The following PRKAG3 variants were observed in gnomAD, a reference collection of about 807,000 sequenced individuals.
PRKAG3 encodes 5'-AMP-activated protein kinase subunit gamma-3.
PRKAG3 carries 39 observed loss-of-function variants against 56.5 expected under a neutral mutation model. That is an observed-to-expected ratio of 0.69 (90% CI 0.53 to 0.90). The LOEUF is 0.90. Ranked by LOEUF, PRKAG3 falls within the 40% of genes least tolerant of loss-of-function variation. The pLI is 0.00. For synonymous variants in PRKAG3, 243 were observed against 250.1 expected (o/e 0.97, Z 0.27); for missense variants, 628 against 627.5 (o/e 1.00, Z -0.01).
chr2:218,827,271 G>GAA lies in PRKAG3; in HGVS notation c.977_978insTT (p.Leu327SerfsTer44). ...CAAAGATGTGCAGGAACTTGAGCAG[G>GAA]CGTTTGTGTGTGAGGATGTGGAGTA... On this transcript the variant is annotated frameshift_variant, in exon 9 of 13. Transcript: ENST00000529249. LOFTEE classifies it high-confidence loss of function. The surrounding 1 kb of genome is among the most constrained non-coding windows in gnomAD (Gnocchi z 5.3). The GAA allele has an allele frequency of 6.2e-7, 1 of 1,614,198 alleles. No individual in the cohort carries two copies. Among genetic ancestry groups the GAA allele is most frequent in the Non-Finnish European group, 8.5e-7 (1 of 1,180,046 alleles).
chr2:218,830,237 G>A (rs1258560626), exon 4 of PRKAG3: 1 of 1,614,066 alleles, frequency 6.2e-7, no homozygotes. Flanking sequence ...GGAGCCTGCA[G>A]CTGAGGCTGT....
rs760089291 is a variant in PRKAG3, at chr2:218,824,530, G to A, written c.1206+9C>T. On this transcript the variant is annotated intron_variant, in intron 11 of 12. Coordinates refer to ENST00000529249, the Ensembl canonical transcript of PRKAG3. ...CCCTGCAGCATCCCACCTTTCCAGC[G>A]ACACTTACAATCACATCAAAGCGGG... 2.7e-5 allele frequency: 44 copies of A among 1,611,670 alleles called. No individual in the cohort carries two copies. Among genetic ancestry groups the A allele is most frequent in the Non-Finnish European group, 3.6e-5 (42 of 1,177,986 alleles).
At chr2:218,831,235 A>G in intron 2 of PRKAG3, 101 bp downstream of exon 2, 1 of 917,828 alleles carries the variant, frequency 1.1e-6, no homozygotes. Context: ...CAAAAGGAGG[A>G]AGATAAAAGC....
At chr2:218,823,556 G>T in exon 13 of PRKAG3, 1 of 1,036,900 alleles carries the variant, frequency 9.6e-7, no homozygotes, top group Non-Finnish European at 1.4e-6. Context: ...CTTTGAGCTT[G>T]GCCACTCCCA....
exon 13 of PRKAG3, chr2:218,823,495 A>G: frequency 1.9e-6 from 1 of 517,520 alleles, no homozygotes. Context: ...AAATGGGACA[A>G]AGTGGGGACC....
At chr2:218,825,361 G>C (rs868675416) in intron 10 of PRKAG3, among the ~76,000 whole-genome samples, 17 of 149,076 alleles carry the variant, frequency 1.1e-4, no homozygotes, top group Middle Eastern at 3.5e-3. Flanking sequence ...AAAAATTCTT[G>C]GCCGGTCGCG....
rs370649736 is a variant in PRKAG3, at chr2:218,827,370, C to T, written c.879G>A (p.Leu293=). ...TGATGAGGGTGTAGACAGCTTCAAA[C>T]AGGCTGCAGAGATGGGAGCAGTGAG... is the stretch of plus-strand genomic sequence containing the variant. The change falls in exon 9 of 13, where the codon CTG becomes CTA. Residue 293 remains leucine, a synonymous_variant. Coordinates refer to ENST00000529249, the Ensembl canonical transcript of PRKAG3. The surrounding 1 kb of genome is among the most constrained non-coding windows in gnomAD (Gnocchi z 5.3). 37 of 1,614,018 alleles carry T rather than the reference C, an allele frequency of 2.3e-5. No homozygotes were observed. The highest frequency in any genetic ancestry group is 2.0e-4 in the Admixed American group (12 of 59,998).
Position 218,831,188 on chromosome 2 carries a change from C to G in PRKAG3, c.73+148G>C, listed in dbSNP as rs1033180969. On this transcript the variant is annotated intron_variant, in intron 2 of 12. Coordinates refer to ENST00000529249, the Ensembl canonical transcript of PRKAG3. Reference sequence around the variant, plus strand: ...GGAAATTGGAGGTGAGGGAAACACACCTGGGGAAAGGAGGAAGAACAATGA... The same window carrying G: ...GGAAATTGGAGGTGAGGGAAACACAGCTGGGGAAAGGAGGAAGAACAATGA... 5.5e-6 allele frequency: 4 copies of G among 721,000 alleles called. No individual in the cohort carries two copies. In the Admixed American group the frequency reaches 8.7e-5, roughly 16 times the overall value. 44.7% of individuals were successfully genotyped at this position (721,000 alleles called of 1,614,324 possible). A position where few individuals can be genotyped will look rare whatever the true frequency, so the allele number is the denominator to read the frequency against.
At chr2:218,831,192 G>A (rs903053112) in intron 2 of PRKAG3, 144 bp downstream of exon 2, 7 of 727,472 alleles carry the variant, frequency 9.6e-6, no homozygotes, top group Non-Finnish European at 1.6e-5. Context: ...AACACACCTG[G>A]GGAAAGGAGG....
downstream of PRKAG3, chr2:218,823,289 C>T (rs371359505): frequency 4.2e-6 from 1 of 236,430 alleles, no homozygotes; most frequent in Non-Finnish European, 8.3e-6. Flanking sequence ...AGCTTTAGTT[C>T]TTACTGGGGA....
At chr2:218,825,708 G>A (rs1943922096) in intron 10 of PRKAG3, among the ~76,000 whole-genome samples, 1 of 151,580 alleles carries the variant, frequency 6.6e-6, no homozygotes, top group South Asian at 2.1e-4. Flanking sequence ...ATAAGGATTG[G>A]ATGTCAGACA....
At chr2:218,828,132 C>T (rs1466296966) in intron 5 of PRKAG3, 70 bp from the exon 6 acceptor site, 2 of 1,340,570 alleles carry the variant, frequency 1.5e-6, no homozygotes, top group Non-Finnish European at 2.1e-6. Context: ...GGTCAGATCC[C>T]CTCCCCACCC....
At position 218,829,865 on chromosome 2, in the gene PRKAG3, A is replaced by G. The variant is rs1001196703; in HGVS notation, c.633+113T>C. The G allele has an allele frequency of 3.0e-6, 4 of 1,340,880 alleles. No homozygotes were observed. In the African/African-American group the frequency reaches 5.9e-5, roughly 20 times the overall value. The allele number at this position is 1,340,880 out of a possible 1,614,324, so 83.1% of individuals were successfully genotyped here. A position where few individuals can be genotyped will look rare whatever the true frequency, so the allele number is the denominator to read the frequency against. On this transcript the variant is annotated intron_variant, in intron 4 of 12. Coordinates refer to ENST00000529249, the Ensembl canonical transcript of PRKAG3. Reference sequence around the variant, plus strand: ...CATAGTGCTAAGAAGGAGTCCTTTCAGGGGGCTTGCAGGGGCACCTGGCTC... The same window carrying G: ...CATAGTGCTAAGAAGGAGTCCTTTCGGGGGGCTTGCAGGGGCACCTGGCTC...
chr2:218,827,674 C>T lies in PRKAG3; in HGVS notation c.821-45G>A. 1 of 1,604,036 alleles carries T rather than the reference C, an allele frequency of 6.2e-7. No individual in the cohort carries two copies. Among genetic ancestry groups the T allele is most frequent in the Non-Finnish European group, 8.5e-7 (1 of 1,171,034 alleles). ...CAGGCCAGGGGAGCCGGTCACCTGC[C>T]TCACCTTGCAGTCCCAGGCAGCTTC... On this transcript the variant is annotated intron_variant, in intron 7 of 12. Coordinates refer to ENST00000529249, the Ensembl canonical transcript of PRKAG3. This position sits in a 1 kb window ranked among gnomAD's most constrained non-coding sequence, Gnocchi z 5.3.
Position 218,827,853 on chromosome 2 carries a change from T to C in PRKAG3, c.800A>G (p.His267Arg), listed in dbSNP as rs1253414187. Reference sequence around the variant, plus strand: ...CTCACCCCTCCAGGTCTCAATCTTATGTTGTTCAATCTCATAGATCTGGAC... The same window carrying C: ...CTCACCCCTCCAGGTCTCAATCTTACGTTGTTCAATCTCATAGATCTGGAC... Residue 267 changes from histidine (H) to arginine (R), a missense_variant, in exon 7 of 13, where the codon CAT becomes CGT. Physicochemically the swap from His to Arg is conservative, Grantham distance 29. Coordinates refer to ENST00000529249, the Ensembl canonical transcript of PRKAG3. The surrounding 1 kb of genome is among the most constrained non-coding windows in gnomAD (Gnocchi z 5.3). The C allele has an allele frequency of 1.2e-5, 19 of 1,613,938 alleles. No individual in the cohort carries two copies. The highest frequency in any genetic ancestry group is 8.0e-5 in the African/African-American group (6 of 74,882).
Position 218,827,117 on chromosome 2 carries a change from G to C in PRKAG3, c.1003-24C>G, listed in dbSNP as rs750101143. The stretch of plus-strand genomic sequence containing the variant: ...CCCTGGTTAGGATGGGGACCAGGTG[G>C]AGATCAGGGATCCAGCAGCTTCAAG... On this transcript the variant is annotated intron_variant, in intron 9 of 12. Coordinates refer to ENST00000529249, the Ensembl canonical transcript of PRKAG3. This position sits in a 1 kb window ranked among gnomAD's most constrained non-coding sequence, Gnocchi z 5.3. 10 of 1,612,794 alleles carry C rather than the reference G, an allele frequency of 6.2e-6. No individual in the cohort carries two copies. Among genetic ancestry groups the C allele is most frequent in the Non-Finnish European group, 8.5e-6 (10 of 1,179,982 alleles).
In PRKAG3 at chr2:218,827,775, C is replaced by A; in HGVS notation, c.820+58G>T. On this transcript the variant is annotated intron_variant, in intron 7 of 12. Coordinates refer to ENST00000529249, the Ensembl canonical transcript of PRKAG3. This position sits in a 1 kb window ranked among gnomAD's most constrained non-coding sequence, Gnocchi z 5.3. The stretch of plus-strand genomic sequence containing the variant: ...GGACATCCCCACTGCCCATCCTCCA[C>A]CTTAAGCCCTGGCCCACCATCACCA... The A allele has an allele frequency of 1.3e-6, 2 of 1,577,574 alleles. No individual in the cohort carries two copies. The highest frequency in any genetic ancestry group is 1.1e-5 in the South Asian group (1 of 89,856).
At chr2:218,829,873 T>C (rs1559398888) in intron 4 of PRKAG3, 105 bp downstream of exon 4, 1 of 1,446,042 alleles carries the variant, frequency 6.9e-7, no homozygotes, top group Non-Finnish European at 9.5e-7. Context: ...TCAGGGGGCT[T>C]GCAGGGGCAC....
intron 10 of PRKAG3, among the ~76,000 whole-genome samples, chr2:218,825,818 G>A (rs1295959834): frequency 1.4e-5 from 2 of 148,006 alleles, no homozygotes; most frequent in Admixed American, 6.8e-5. Context: ...GTACAGTGGC[G>A]CGATCTTGGC....
Sources: gnomAD v4.1 joint callset for allele counts (sites outside exome capture counted in the v4.1 genomes callset) on GRCh38, gnomAD v4.1.1 for gene constraint, Gnocchi (gnomAD v3.1) non-coding constraint, MANE v1.5 for transcripts, NCBI Gene and HGNC (gene_info 2026-07-23, HGNC 2026-07-21) for gene names.